Variants in UFC1 observed in about 807,000 individuals in gnomAD.
UFC1 encodes ubiquitin-fold modifier conjugating enzyme 1.
Under a neutral mutation model 28.0 loss-of-function variants are expected in UFC1, and 22 were observed. The observed-to-expected ratio is 0.78, with a 90% CI of 0.56 to 1.12. UFC1 has a LOEUF of 1.12. Among genes scored for constraint, UFC1 ranks in the 50% most tolerant of loss-of-function variants. The pLI is 0.00. For synonymous variants in UFC1, 61 were observed against 74.5 expected (o/e 0.82, Z 0.93); for missense variants, 189 against 207.8 (o/e 0.91, Z 0.56).
At chr1:161,155,933 G>C (rs2101789340) in intron 1 of UFC1, among the ~76,000 whole-genome samples, 1 of 152,360 alleles carries the variant, frequency 6.6e-6, no homozygotes, top group South Asian at 2.1e-4. Context: ...CTGAAGTTCT[G>C]AGGAAAGATC....
rs371000139 is a variant in UFC1, at chr1:161,154,052, A to C, written c.55A>C (p.Asn19His). 1.2e-6 allele frequency: 2 copies of C among 1,614,046 alleles called. No homozygotes were observed. The highest frequency in any genetic ancestry group is 3.3e-5 in the Admixed American group (2 of 59,980). The change falls in exon 1 of 6, where the codon AAC (asparagine) becomes CAC (histidine). Residue 19 changes from asparagine (N) to histidine (H), a missense_variant. Asn to His is a moderately conservative substitution (Grantham distance 68, BLOSUM62 1). Coordinates refer to ENST00000368003, the MANE Select transcript of UFC1 (RefSeq NM_016406.4). The stretch of plus-strand genomic sequence containing the variant: ...GTCTGAGATCCCGGTGCTGAAGACT[A>C]ACGCCGGACCCCGAGATCGTGAGTT... ...VVSEIPVLKT[N>H]AGPRDRELWV...
At position 161,158,534 on chromosome 1, in the gene UFC1, G is replaced by A; in HGVS notation, c.*42G>A. On this transcript the variant is annotated 3_prime_UTR_variant, in exon 6 of 6. Coordinates refer to ENST00000368003, the MANE Select transcript of UFC1 (RefSeq NM_016406.4). The stretch of plus-strand genomic sequence containing the variant: ...GGCAGGGCAGAGGGACCTTTGATAG[G>A]CTACGATACTATTTTCCTGTGCATC... The A allele has an allele frequency of 6.2e-7, 1 of 1,601,068 alleles. No homozygotes were observed.
At chr1:161,158,078 G>A (rs777247863) in intron 4 of UFC1, 43 bp from the exon 5 acceptor site, 13 of 1,555,846 alleles carry the variant, frequency 8.4e-6, no homozygotes, top group Admixed American at 1.7e-5. Flanking sequence ...GTGCTTTATG[G>A]TAAACTTTGC....
intron 4 of UFC1, 106 bp from the exon 5 acceptor site, chr1:161,158,015 C>G: frequency 2.0e-6 from 2 of 1,023,096 alleles, no homozygotes; most frequent in Non-Finnish European, 3.0e-6. Context: ...CTTAGCTGAA[C>G]TTGTTCTCAA....
At position 161,154,239 on chromosome 1, in the gene UFC1, T is replaced by C. The variant is rs16832670; in HGVS notation, c.123+119T>C. The C allele has an allele frequency of 5.3e-4, 791 of 1,481,256 alleles. 7 individuals are homozygous for C. The East Asian group carries it at 0.014, about 27-fold the overall frequency. The allele number at this position is 1,481,256 out of a possible 1,614,324, so 91.8% of individuals were successfully genotyped here. Reference sequence around the variant, plus strand: ...TTTTTAAGTTTAACGCCCAAATTCATAGAAATGGGACTATTGTGGGGCTCG... The same window carrying C: ...TTTTTAAGTTTAACGCCCAAATTCACAGAAATGGGACTATTGTGGGGCTCG... On this transcript the variant is annotated intron_variant, in intron 1 of 5. Coordinates refer to ENST00000368003, the MANE Select transcript of UFC1 (RefSeq NM_016406.4).
At chr1:161,154,676 G>T (rs1314537221) in intron 1 of UFC1, among the ~76,000 whole-genome samples, 1 of 152,090 alleles carries the variant, frequency 6.6e-6, no homozygotes, top group Non-Finnish European at 1.5e-5. Flanking sequence ...GTAGAGACGG[G>T]GTTTCACCGT....
chr1:161,156,720 T>TAA (rs1400663630), intron 1 of UFC1, among the ~76,000 whole-genome samples: 2 of 151,976 alleles, frequency 1.3e-5, no homozygotes, highest in African/African-American at 4.8e-5. Flanking sequence ...TGCACGCCTG[T>TAA]AATCCCAGCT....
intron 3 of UFC1, 22 bp from the exon 4 acceptor site, chr1:161,157,595 T>G (rs758273642): frequency 6.2e-7 from 1 of 1,603,234 alleles, no homozygotes; most frequent in South Asian, 1.1e-5. Flanking sequence ...TCTGTTTTAT[T>G]AAGGTTTTAT....
chr1:161,155,123 G>A (rs920942373), intron 1 of UFC1, among the ~76,000 whole-genome samples: 1 of 152,204 alleles, frequency 6.6e-6, no homozygotes, highest in Non-Finnish European at 1.5e-5. Flanking sequence ...GAGAGACTGA[G>A]ACAGATATGG....
At position 161,158,539 on chromosome 1, in the gene UFC1, G is replaced by C; in HGVS notation, c.*47G>C. 1.3e-6 allele frequency: 2 copies of C among 1,597,892 alleles called. No homozygotes were observed. Among genetic ancestry groups the C allele is most frequent in the East Asian group, 2.2e-5 (1 of 44,788 alleles). ...GGCAGAGGGACCTTTGATAGGCTACGATACTATTTTCCTGTGCATCACACT... is the reference window on the plus strand; with the variant it reads ...GGCAGAGGGACCTTTGATAGGCTACCATACTATTTTCCTGTGCATCACACT... On this transcript the variant is annotated 3_prime_UTR_variant, in exon 6 of 6. Transcript: ENST00000368003.
intron 1 of UFC1, among the ~76,000 whole-genome samples, chr1:161,156,147 C>A (rs961047130): frequency 6.6e-6 from 1 of 152,130 alleles, no homozygotes; most frequent in Admixed American, 6.5e-5. Flanking sequence ...GAGTGGAGCC[C>A]ATTCTATTCT....
chr1:161,155,682 T>C (rs778525097), intron 1 of UFC1, among the ~76,000 whole-genome samples: 6 of 152,180 alleles, frequency 3.9e-5, no homozygotes, highest in Non-Finnish European at 7.3e-5. Context: ...ATTTGTAGAA[T>C]ATTCAGAAGG....
chr1:161,158,738 A>T lies in UFC1; in HGVS notation c.*246A>T. ...TTTGGACAATCTAGAGGTAATTTAT[A>T]TCCGCCCCCAGGTGGAGCAACATGC... On this transcript the variant is annotated 3_prime_UTR_variant, in exon 6 of 6. Coordinates refer to ENST00000368003, the MANE Select transcript of UFC1 (RefSeq NM_016406.4). 1 of 510,670 alleles carries T rather than the reference A, an allele frequency of 2.0e-6. No homozygotes were observed. Among genetic ancestry groups the T allele is most frequent in the South Asian group, 2.2e-5 (1 of 45,338 alleles). The allele number at this position is 510,670 out of a possible 1,614,324, so 31.6% of individuals were successfully genotyped here. A position where few individuals can be genotyped will look rare whatever the true frequency, so the allele number is the denominator to read the frequency against.
At chr1:161,158,083 C>T (rs373552705) in intron 4 of UFC1, 38 bp from the exon 5 acceptor site, 10 of 1,573,658 alleles carry the variant, frequency 6.4e-6, no homozygotes, top group African/African-American at 1.4e-5. Context: ...TTATGGTAAA[C>T]TTTGCATGTC....
rs1430192757 is a variant in UFC1, at chr1:161,158,807, CT to C, written c.*318del. ...GTAACTGAAAGTGAGTACATATAGT[CT>C]TTCTGGTTTCTGGAGATAACCCATC... On this transcript the variant is annotated 3_prime_UTR_variant, in exon 6 of 6. Coordinates refer to ENST00000368003, the MANE Select transcript of UFC1 (RefSeq NM_016406.4). The C allele has an allele frequency of 9.2e-6, 3 of 327,544 alleles. No homozygotes were observed. Among genetic ancestry groups the C allele is most frequent in the South Asian group, 3.5e-5 (1 of 28,470 alleles). 20.3% of individuals were successfully genotyped at this position (327,544 alleles called of 1,614,324 possible).
Position 161,158,777 on chromosome 1 carries a change from CG to C in UFC1, c.*290del, listed in dbSNP as rs1183062332. ...GGAGCAACATGCGATTCTGGAGGCA[CG>C]GGGGTAACTGAAAGTGAGTACATAT... On this transcript the variant is annotated 3_prime_UTR_variant, in exon 6 of 6. Transcript: ENST00000368003. 1 of 435,094 alleles carries C rather than the reference CG, an allele frequency of 2.3e-6. No homozygotes were observed. The highest frequency in any genetic ancestry group is 4.3e-6 in the Non-Finnish European group (1 of 234,024). The allele number at this position is 435,094 out of a possible 1,614,324, so 27.0% of individuals were successfully genotyped here. A position where few individuals can be genotyped will look rare whatever the true frequency, so the allele number is the denominator to read the frequency against.
intron 4 of UFC1, 175 bp from the exon 5 acceptor site, chr1:161,157,946 C>A: frequency 1.5e-6 from 1 of 649,778 alleles, no homozygotes; most frequent in Non-Finnish European, 2.6e-6. Context: ...AGAGATTTTC[C>A]CAGGGTCTGC....
chr1:161,155,665 G>A (rs755220174), intron 1 of UFC1, among the ~76,000 whole-genome samples: 1 of 152,200 alleles, frequency 6.6e-6, no homozygotes, highest in Admixed American at 6.5e-5. Context: ...ATAGAGAGGA[G>A]AGGTAGATTT....
In UFC1 at chr1:161,158,226, T is replaced by G; in HGVS notation, c.423+15T>G. Reference sequence around the variant, plus strand: ...TGGCTCTGGGGGTAAGTTTTGTGTATTTGGCATAAAAGGAGAAAGAGGGAC... The same window carrying G: ...TGGCTCTGGGGGTAAGTTTTGTGTAGTTGGCATAAAAGGAGAAAGAGGGAC... On this transcript the variant is annotated intron_variant, in intron 5 of 5. Coordinates refer to ENST00000368003, the MANE Select transcript of UFC1 (RefSeq NM_016406.4). 1.2e-6 allele frequency: 2 copies of G among 1,613,576 alleles called. No individual in the cohort carries two copies. The highest frequency in any genetic ancestry group is 1.7e-6 in the Non-Finnish European group (2 of 1,179,520).
Sources: allele counts gnomAD v4.1 joint callset (sites outside exome capture counted in the v4.1 genomes callset), GRCh38; gene constraint gnomAD v4.1.1; transcripts MANE v1.5; gene names NCBI Gene and HGNC (gene_info 2026-07-23, HGNC 2026-07-21).